CLHC1: variants seen among roughly 807,000 people sequenced by gnomAD.
The protein encoded by CLHC1 is clathrin heavy chain linker domain containing 1.
Under a neutral mutation model 69.5 loss-of-function variants are expected in CLHC1, and 72 were observed. The ratio of observed to expected loss-of-function variants is 1.04; its 90% confidence interval spans 0.86 to 1.26. The LOEUF (loss-of-function observed/expected upper bound fraction) is 1.26, where lower values mean the gene tolerates loss of function less well. CLHC1 is among the 50% of genes most tolerant of loss of function. The probability of loss-of-function intolerance (pLI) is 0.00; values close to 1 mark genes in which losing one functional copy is unlikely to be tolerated. For synonymous variants in CLHC1, 223 were observed against 224.3 expected (o/e 0.99, Z 0.05); for missense variants, 790 against 679.3 (o/e 1.16, Z -1.81).
intron 9 of CLHC1, among the ~76,000 whole-genome samples, chr2:55,201,073 A>G (rs1671901002): frequency 6.6e-6 from 1 of 152,076 alleles, no homozygotes; most frequent in Non-Finnish European, 1.5e-5. Context: ...TGCTTACATC[A>G]AAAAAGAAGA....
rs201212877 is a variant in CLHC1 at position 55,181,721 on chromosome 2, G to A, written c.1030C>T (p.Pro344Ser). 1.7e-5 allele frequency: 28 copies of A among 1,612,106 alleles called. No homozygotes were observed. In the African/African-American group the frequency reaches 3.7e-4, roughly 22 times the overall value. Residue 344 changes from proline (P) to serine (S), a missense_variant, in exon 10 of 13, where the codon CCT becomes TCT. Coordinates refer to ENST00000401408, the MANE Select transcript of CLHC1 (RefSeq NM_152385.4). ...TCAAAAAATAAGAGTAATGGAAGAGGCTTTCCTCTAATTTTTCCAACAGCT... is the reference window on the plus strand; with the variant it reads ...TCAAAAAATAAGAGTAATGGAAGAGACTTTCCTCTAATTTTTCCAACAGCT... ...FKAVGKIRGK[P>S]LPLLLFFEAL...
At chr2:55,201,662 C>T (rs1419474598) in intron 9 of CLHC1, among the ~76,000 whole-genome samples, 2 of 152,144 alleles carry the variant, frequency 1.3e-5, no homozygotes, top group Non-Finnish European at 1.5e-5. Flanking sequence ...TAAACTCATT[C>T]TACAAGTCCA....
At chr2:55,192,931 C>T (rs1671066767) in intron 9 of CLHC1, among the ~76,000 whole-genome samples, 1 of 147,806 alleles carries the variant, frequency 6.8e-6, no homozygotes, top group Admixed American at 6.8e-5. Context: ...TACTCTGTCA[C>T]CCAGGCTGGA....
intron 9 of CLHC1, among the ~76,000 whole-genome samples, chr2:55,198,026 G>C (rs941664980): frequency 6.6e-6 from 1 of 152,164 alleles, no homozygotes; most frequent in Non-Finnish European, 1.5e-5. Context: ...AAAGAGACAG[G>C]CATAAATTCT....
chr2:55,186,697 C>A (rs920929814), intron 9 of CLHC1, among the ~76,000 whole-genome samples: 1 of 152,004 alleles, frequency 6.6e-6, no homozygotes, highest in African/African-American at 2.4e-5. Flanking sequence ...ATCACTTGAG[C>A]CCAGAAGGTC....
chr2:55,204,967 G>A lies in CLHC1; in HGVS notation c.1006+1303C>T, dbSNP rs1164780099. Among the ~76,000 whole-genome samples the A allele has an allele frequency of 2.6e-5, 4 of 152,016 alleles. No homozygotes were observed. The East Asian group carries it at 7.7e-4, about 29-fold the overall frequency. The stretch of plus-strand genomic sequence containing the variant: ...GGGAGTTGGGTGGGGGAGTTGGGCT[G>A]TTTAATGGGTTAAAAAAAATAGTTA... On this transcript the variant is annotated intron_variant, in intron 9 of 12. Transcript: ENST00000401408.
At chr2:55,211,228 G>A (rs1359915852) in intron 5 of CLHC1, among the ~76,000 whole-genome samples, 2 of 152,058 alleles carry the variant, frequency 1.3e-5, no homozygotes, top group Non-Finnish European at 2.9e-5. Flanking sequence ...TAGGCCAGGT[G>A]CAGTGGCTCA....
chr2:55,198,423 T>C (rs1484754997), intron 9 of CLHC1, among the ~76,000 whole-genome samples: 1 of 151,968 alleles, frequency 6.6e-6, no homozygotes, highest in African/African-American at 2.4e-5. Flanking sequence ...ATGTCTGTAC[T>C]AAAAAATACA....
intron 7 of CLHC1, 51 bp downstream of exon 7, chr2:55,209,352 GA>G (rs139842520): frequency 0.29 from 339,270 of 1,158,858 alleles, 51,358 homozygotes; most frequent in African/African-American, 0.39. Context: ...ACTAGCTAGC[GA>G]AAAAAATGTC....
chr2:55,208,609 G>T lies in CLHC1; in HGVS notation c.899+17C>A. The T allele has an allele frequency of 6.6e-7, 1 of 1,505,424 alleles. No individual in the cohort carries two copies. Among genetic ancestry groups the T allele is most frequent in the Non-Finnish European group, 9.2e-7 (1 of 1,085,388 alleles). The allele number at this position is 1,505,424 out of a possible 1,614,324, so 93.3% of individuals were successfully genotyped here. On this transcript the variant is annotated intron_variant, in intron 8 of 12. Coordinates refer to ENST00000401408, the MANE Select transcript of CLHC1 (RefSeq NM_152385.4). ...AAAAATATAATTCTGAAAAATTAAAGCTTTTAAAATATTTGCCTTTCAATG... is the reference window on the plus strand; with the variant it reads ...AAAAATATAATTCTGAAAAATTAAATCTTTTAAAATATTTGCCTTTCAATG...
intron 2 of CLHC1, among the ~76,000 whole-genome samples, chr2:55,226,963 A>G (rs1050165767): frequency 1.3e-5 from 2 of 152,226 alleles, no homozygotes; most frequent in African/African-American, 4.8e-5. Context: ...CAATGCCATG[A>G]TAAGTAAGTG....
At chr2:55,192,957 A>C (rs559394751) in intron 9 of CLHC1, among the ~76,000 whole-genome samples, 104 of 145,492 alleles carry the variant, frequency 7.1e-4, no homozygotes, top group African/African-American at 2.6e-3. Flanking sequence ...GTGGCATGAT[A>C]TCAGCTCACT....
intron 11 of CLHC1, 139 bp from the exon 12 acceptor site, chr2:55,177,920 T>G: frequency 1.8e-6 from 1 of 567,846 alleles, no homozygotes; most frequent in Non-Finnish European, 3.0e-6. Flanking sequence ...CACTCCAACC[T>G]AAACTCAACG....
chr2:55,222,477 C>A lies in CLHC1; in HGVS notation c.-66G>T. ...ATCTTGACCTGCTCTTGCAACAAAG[C>A]CAAAACTTTGATAAGCCTGAAAGAA... On this transcript the variant is annotated 5_prime_UTR_variant, in exon 3 of 13. Coordinates refer to ENST00000401408, the MANE Select transcript of CLHC1 (RefSeq NM_152385.4). 8.0e-7 allele frequency: 1 copy of A among 1,251,274 alleles called. No individual in the cohort carries two copies. Among genetic ancestry groups the A allele is most frequent in the Non-Finnish European group, 1.1e-6 (1 of 906,080 alleles). The allele number at this position is 1,251,274 out of a possible 1,614,324, so 77.5% of individuals were successfully genotyped here.
chr2:55,221,140 G>C (rs1178771272), intron 3 of CLHC1, among the ~76,000 whole-genome samples: 2 of 152,140 alleles, frequency 1.3e-5, no homozygotes, highest in Non-Finnish European at 2.9e-5. Flanking sequence ...TTAAAAGACT[G>C]AGTTTCTATT....
At chr2:55,231,859 AT>A (rs1400406247) in intron 1 of CLHC1, 1 of 152,028 alleles carries the variant, frequency 6.6e-6, no homozygotes, top group Non-Finnish European at 1.5e-5. Flanking sequence ...AACTCCTGAG[AT>A]TTTTCAACAT....
intron 9 of CLHC1, among the ~76,000 whole-genome samples, chr2:55,189,659 C>A (rs925507467): frequency 1.3e-5 from 2 of 152,112 alleles, no homozygotes; most frequent in African/African-American, 4.8e-5. Context: ...GGCAGAGTAC[C>A]AGAAGAAAGA....
At chr2:55,200,225 T>TAAAAAAAAAAAAAAAAAAAA (rs34374033) in intron 9 of CLHC1, among the ~76,000 whole-genome samples, 1 of 52,934 alleles carries the variant, frequency 1.9e-5, no homozygotes, top group Admixed American at 3.2e-4. Flanking sequence ...AAGACTGTCT[T>TAAAAAAAAAAAAAAAAAAAA]AAAAAAAAAA....
chr2:55,185,983 G>C (rs1313207835), intron 9 of CLHC1, among the ~76,000 whole-genome samples: 1 of 152,164 alleles, frequency 6.6e-6, no homozygotes, highest in Non-Finnish European at 1.5e-5. Flanking sequence ...TAAGATTTAA[G>C]TAATTTTAAT....
Sources: gnomAD v4.1 joint callset for allele counts (sites outside exome capture counted in the v4.1 genomes callset) on GRCh38, gnomAD v4.1.1 for gene constraint, MANE v1.5 for transcripts, NCBI Gene and HGNC (gene_info 2026-07-23, HGNC 2026-07-21) for gene names.